The following CDK11A variants were observed in gnomAD, a reference collection of about 807,000 sequenced individuals.
CDK11A encodes cyclin dependent kinase 11A, also known as cyclin-dependent kinase 11A.
In CDK11A, 55 loss-of-function variants were observed where a neutral mutation model predicts 83.6. That is an observed-to-expected ratio of 0.66 (90% CI 0.53 to 0.82). CDK11A has a LOEUF of 0.82. Among genes scored for constraint, CDK11A ranks in the 40% least tolerant of loss-of-function variants. The pLI is 0.00. For synonymous variants in CDK11A, 247 were observed against 302.7 expected (o/e 0.82, Z 1.91); for missense variants, 564 against 810.1 (o/e 0.70, Z 3.69).
intron 5 of CDK11A, among the ~76,000 whole-genome samples, chr1:1,715,956 T>G (rs1358573321): frequency 6.6e-6 from 1 of 150,962 alleles, no homozygotes; most frequent in Non-Finnish European, 1.5e-5. Context: ...TGAGACAGTC[T>G]CACTCTGTCA....
intron 1 of CDK11A, among the ~76,000 whole-genome samples, chr1:1,723,488 C>CAAAAAAAAAAA (rs768913380): frequency 9.7e-5 from 2 of 20,630 alleles, no homozygotes; most frequent in African/African-American, 1.9e-4. Context: ...GACCCCGTCT[C>CAAAAAAAAAAA]AAAAAAAAAA....
At chr1:1,719,611 G>C (rs930933375) in intron 3 of CDK11A, among the ~76,000 whole-genome samples, 156 bp from the exon 4 acceptor site, 2 of 85,932 alleles carry the variant, frequency 2.3e-5, no homozygotes, top group African/African-American at 6.8e-5. Flanking sequence ...CCAACTTCAG[G>C]CATCTTTTTT....
intron 3 of CDK11A, among the ~76,000 whole-genome samples, chr1:1,719,704 C>T (rs1644831142): frequency 6.8e-6 from 1 of 146,290 alleles, no homozygotes; most frequent in Non-Finnish European, 1.5e-5. Flanking sequence ...CAACCTCCAC[C>T]TTTCCGGGTT....
At chr1:1,706,568 A>G (rs1482346683) in intron 11 of CDK11A, among the ~76,000 whole-genome samples, 1 of 151,230 alleles carries the variant, frequency 6.6e-6, no homozygotes, top group African/African-American at 2.4e-5. Flanking sequence ...GGCCATCCGG[A>G]GAGTCTCTCT....
rs559359065 is a variant in CDK11A at position 1,706,480 on chromosome 1, T to G, written c.1246-748A>C. Among the ~76,000 whole-genome samples the G allele has an allele frequency of 5.4e-4, 81 of 150,958 alleles. 4 individuals are homozygous for G. Among genetic ancestry groups the G allele is most frequent in the Non-Finnish European group, 8.1e-4 (55 of 67,604 alleles). On this transcript the variant is annotated intron_variant, in intron 11 of 19. Coordinates refer to ENST00000404249, the MANE Select transcript of CDK11A (RefSeq NM_024011.4). ...GGGAGGATTGTTTGAGCCTGGGAGGTGGAGGCTCCAGTGAGCTATGATTAA... is the reference window on the plus strand; with the variant it reads ...GGGAGGATTGTTTGAGCCTGGGAGGGGGAGGCTCCAGTGAGCTATGATTAA...
chr1:1,720,461 T>C (rs1228716400), intron 3 of CDK11A, among the ~76,000 whole-genome samples: 1 of 150,730 alleles, frequency 6.6e-6, no homozygotes, highest in Non-Finnish European at 1.5e-5. Flanking sequence ...CGGCGCAATC[T>C]TGGCTCACTG....
Position 1,719,392 on chromosome 1 carries a change from A to C in CDK11A, c.291T>G (p.Val97=), listed in dbSNP as rs1252165779. 1 of 1,538,888 alleles carries C rather than the reference A, an allele frequency of 6.5e-7. No individual in the cohort carries two copies. The highest frequency in any genetic ancestry group is 2.4e-5 in the East Asian group (1 of 41,110). Residue 97 remains valine, a synonymous_variant, in exon 4 of 20, where the codon GTT becomes GTG. Coordinates refer to ENST00000404249, the MANE Select transcript of CDK11A (RefSeq NM_024011.4). The part of the protein sequence containing the change: ...PPQQMSRKEK[V]HHRKDEKRKE... The stretch of plus-strand genomic sequence containing the variant: ...TTCTCTTTTCATCTTTTCTGTGATG[A>C]ACTTTTTCTTTCCGAGACATTTGCT...
At chr1:1,721,197 CA>C (rs34963676) in intron 3 of CDK11A, among the ~76,000 whole-genome samples, 117,759 of 145,758 alleles carry the variant, frequency 0.81, 49,671 homozygotes, top group Non-Finnish European at 0.93. Context: ...GACACCGTCT[CA>C]AAAAAAAAAA....
intron 10 of CDK11A, 145 bp downstream of exon 10, chr1:1,708,035 C>A: frequency 2.3e-6 from 2 of 874,360 alleles, no homozygotes; most frequent in African/African-American, 1.8e-5. Context: ...CGGGCCCCAC[C>A]GGCACAGCCT....
chr1:1,703,726 C>T, intron 17 of CDK11A, 98 bp downstream of exon 17: 1 of 1,549,544 alleles, frequency 6.5e-7, no homozygotes, highest in South Asian at 1.2e-5. Flanking sequence ...TCTCAGTGGC[C>T]CTGGTCCCCA....
At chr1:1,706,775 G>A (rs1429052025) in intron 11 of CDK11A, among the ~76,000 whole-genome samples, 2 of 150,802 alleles carry the variant, frequency 1.3e-5, no homozygotes, top group East Asian at 1.9e-4. Flanking sequence ...GGGCAGAGGC[G>A]CTCACAAGGC....
chr1:1,717,600 C>T (rs1277117887), intron 4 of CDK11A, among the ~76,000 whole-genome samples: 4 of 149,698 alleles, frequency 2.7e-5, no homozygotes, highest in African/African-American at 7.3e-5. Flanking sequence ...CTGTGACACA[C>T]GCACGCTTTC....
At chr1:1,717,881 TAG>T (rs1473024189) in intron 4 of CDK11A, among the ~76,000 whole-genome samples, 1 of 150,446 alleles carries the variant, frequency 6.6e-6, no homozygotes, top group Non-Finnish European at 1.5e-5. Flanking sequence ...TGCTTTCAGC[TAG>T]AGTTTGCTCT....
Position 1,704,966 on chromosome 1 carries a change from T to C in CDK11A, c.1396A>G (p.Thr466Ala). 6.3e-7 allele frequency: 1 copy of C among 1,598,574 alleles called. No homozygotes were observed. The highest frequency in any genetic ancestry group is 1.1e-5 in the South Asian group (1 of 89,360). The change falls in exon 13 of 20, where the codon ACG (threonine) becomes GCG (alanine). Residue 466 changes from threonine (T) to alanine (A), a missense_variant. Thr to Ala is a moderately conservative substitution (Grantham distance 58). This residue lies in a region of CDK11A where 361 missense variants were observed against 402.7 expected (regional missense o/e 0.90). Transcript: ENST00000404249. ...MEKEKEGFPI[T>A]SLREINTILK... ...ATGGTGTTGATCTCCCTCAGGGACG[T>C]GATCGGGAAGCCCTCCTTCTCCTTC...
At position 1,704,041 on chromosome 1, in the gene CDK11A, T is replaced by G; in HGVS notation, c.1792A>C (p.Lys598Gln). The change falls in exon 16 of 20, where the codon AAG (lysine) becomes CAG (glutamine). Residue 598 changes from lysine to glutamine, a missense_variant and splice_region_variant. By Grantham distance (53) the Lys-to-Gln change is moderately conservative. Around this residue, in one of 5 missense-constraint regions of CDK11A, gnomAD observed 361 missense variants for 402.7 expected, o/e 0.90. Transcript: ENST00000404249. ...GCACTCAGACGCCCAGGACTCACCT[T>G]GGCACCAAGCAGCAGCTCTGGGGCG... ...YRAPELLLGA[K>Q]EYSTAVDMWS... is the part of the protein sequence containing the mutation. The G allele has an allele frequency of 1.3e-6, 2 of 1,596,296 alleles. No homozygotes were observed. Among genetic ancestry groups the G allele is most frequent in the Non-Finnish European group, 1.7e-6 (2 of 1,169,206 alleles).
chr1:1,715,893 G>C (rs868228292), intron 5 of CDK11A, among the ~76,000 whole-genome samples: 1 of 150,944 alleles, frequency 6.6e-6, no homozygotes, highest in Non-Finnish European at 1.5e-5. Flanking sequence ...GGAGTCCAGT[G>C]TCCCGATTTC....
chr1:1,704,448 C>T lies in CDK11A; in HGVS notation c.1564+102G>A, dbSNP rs777212158. On this transcript the variant is annotated intron_variant, in intron 14 of 19. Transcript: ENST00000404249. ...GCAACAGAGGCTTCTCAGGGCTTTC[C>T]CTGTGGATGCAGCTGGCCCTCCCTG... 11 of 1,542,344 alleles carry T rather than the reference C, an allele frequency of 7.1e-6. 1 individual carries two copies. Among genetic ancestry groups the T allele is most frequent in the Non-Finnish European group, 8.8e-6 (10 of 1,140,204 alleles).
rs1488147170 is a variant in CDK11A, at chr1:1,718,972, G to C, written c.355+356C>G. On this transcript the variant is annotated intron_variant, in intron 4 of 19. Coordinates refer to ENST00000404249, the MANE Select transcript of CDK11A (RefSeq NM_024011.4). ...TATTCTCTCTATAGCCCTTCTGAAT[G>C]GTCTGTGACACACGCATGCTTTCAG... 4.0e-5 allele frequency among the ~76,000 whole-genome samples: 6 copies of C among 150,958 alleles called. 1 individual carries two copies. Among genetic ancestry groups the C allele is most frequent in the Non-Finnish European group, 8.9e-5 (6 of 67,686 alleles).
Position 1,716,440 on chromosome 1 carries a change from G to A in CDK11A, c.394C>T (p.Arg132Trp), listed in dbSNP as rs760387372. Reference sequence around the variant, plus strand: ...TCCTGTTCTTCTCGATGTCGTTTCCGACGTTCGTGCTCTCTTTCTTTCACT... The same window carrying A: ...TCCTGTTCTTCTCGATGTCGTTTCCAACGTTCGTGCTCTCTTTCTTTCACT... Reference protein sequence around the residue: ...ARVKEREHERRKRHREEQDKA... With the variant: ...ARVKEREHERWKRHREEQDKA... The change falls in exon 5 of 20, where the codon CGG becomes TGG. Residue 132 changes from arginine (R) to tryptophan (W), a missense_variant. Coordinates refer to ENST00000404249, the MANE Select transcript of CDK11A (RefSeq NM_024011.4). 5.3e-5 allele frequency: 86 copies of A among 1,608,330 alleles called. 6 individuals carry two copies. Among genetic ancestry groups the A allele is most frequent in the South Asian group, 2.3e-4 (21 of 90,736 alleles).
Sources: gnomAD v4.1 joint callset for allele counts (sites outside exome capture counted in the v4.1 genomes callset) on GRCh38, gnomAD v4.1.1 for gene constraint, gnomAD v4.1.1 regional missense constraint, MANE v1.5 for transcripts, NCBI Gene and HGNC (gene_info 2026-07-23, HGNC 2026-07-21) for gene names.